The following GNG12 variants were observed in gnomAD, a reference collection of about 807,000 sequenced individuals.
The protein encoded by GNG12 is G protein subunit gamma 12.
For synonymous variants in GNG12, 28 were observed against 29.7 expected (o/e 0.94, Z 0.19); for missense variants, 69 against 83.8 (o/e 0.82, Z 0.69).
intron 2 of GNG12, among the ~76,000 whole-genome samples, chr1:67,765,124 CCT>C (rs775693532): frequency 4.3e-4 from 65 of 152,016 alleles, no homozygotes; most frequent in Non-Finnish European, 7.2e-4. Flanking sequence ...ATTAGATGCC[CCT>C]GTCAAGCACT....
rs559328828 is a variant in GNG12 at position 67,718,677 on chromosome 1, C to T, written c.-26-10965G>A. Reference sequence around the variant, plus strand: ...TCTCTGCAGCTCAGGTCAGGGCTACCGCCTGAGCCTTGTAACAGCACTCCT... The same window carrying T: ...TCTCTGCAGCTCAGGTCAGGGCTACTGCCTGAGCCTTGTAACAGCACTCCT... On this transcript the variant is annotated intron_variant, in intron 2 of 3. Coordinates refer to ENST00000370982, the MANE Select transcript of GNG12 (RefSeq NM_018841.6). 2.4e-4 allele frequency among the ~76,000 whole-genome samples: 36 copies of T among 152,034 alleles called. No individual in the cohort carries two copies. The South Asian group carries it at 3.7e-3, about 16-fold the overall frequency.
chr1:67,831,978 A>C (rs938178780), intron 1 of GNG12, among the ~76,000 whole-genome samples: 3 of 152,178 alleles, frequency 2.0e-5, no homozygotes, highest in Admixed American at 6.5e-5. Flanking sequence ...GCACTTTTAA[A>C]AACAAAGCCA....
Position 67,756,929 on chromosome 1 carries a change from C to T in GNG12, c.-27+20529G>A, listed in dbSNP as rs75899710. On this transcript the variant is annotated intron_variant, in intron 2 of 3. Transcript: ENST00000370982. The stretch of plus-strand genomic sequence containing the variant: ...CAGGTATGCCTCAGCCCCAGGTGGC[C>T]TGACAGGGCCTGGACCATCCAGAGC... Among the ~76,000 whole-genome samples, 132 of 152,342 alleles carry T rather than the reference C, an allele frequency of 8.7e-4. 1 individual carries two copies. The East Asian group carries it at 0.015, about 17-fold the overall frequency.
At chr1:67,823,956 T>C (rs1307186431) in intron 1 of GNG12, among the ~76,000 whole-genome samples, 1 of 152,240 alleles carries the variant, frequency 6.6e-6, no homozygotes, top group Non-Finnish European at 1.5e-5. Context: ...AAACTTGTTA[T>C]TCTGTGTGTG....
intron 2 of GNG12, among the ~76,000 whole-genome samples, chr1:67,730,539 G>C (rs1185737991): frequency 6.6e-6 from 1 of 150,712 alleles, no homozygotes; most frequent in Admixed American, 6.6e-5. Flanking sequence ...GCCAAAAAAA[G>C]GAGTACATAC....
intron 1 of GNG12, among the ~76,000 whole-genome samples, chr1:67,812,241 T>C (rs1186911323): frequency 6.6e-6 from 1 of 151,906 alleles, no homozygotes; most frequent in East Asian, 1.9e-4. Context: ...GAAAAAAAAA[T>C]CTGTATCAAA....
chr1:67,803,975 C>A (rs1313281682), intron 1 of GNG12, among the ~76,000 whole-genome samples: 1 of 152,178 alleles, frequency 6.6e-6, no homozygotes, highest in Non-Finnish European at 1.5e-5. Flanking sequence ...GGTAAGGAAT[C>A]TAGACAACAG....
chr1:67,720,717 C>T (rs1054372773), intron 2 of GNG12, among the ~76,000 whole-genome samples: 4 of 152,304 alleles, frequency 2.6e-5, no homozygotes, highest in Non-Finnish European at 4.4e-5. Flanking sequence ...AGAATATATA[C>T]ATGAGCAAAT....
intron 2 of GNG12, among the ~76,000 whole-genome samples, chr1:67,774,368 A>G (rs1646692590): frequency 6.6e-6 from 1 of 152,094 alleles, no homozygotes; most frequent in South Asian, 2.1e-4. Flanking sequence ...ATTATTTTAC[A>G]CCTATGTTTA....
intron 1 of GNG12, among the ~76,000 whole-genome samples, chr1:67,828,674 T>C (rs568273042): frequency 6.6e-6 from 1 of 152,368 alleles, no homozygotes; most frequent in East Asian, 1.9e-4. Flanking sequence ...TCTGATATAC[T>C]GAAGGTGCTG....
chr1:67,799,156 A>G (rs1243695136), intron 1 of GNG12, among the ~76,000 whole-genome samples: 2 of 152,192 alleles, frequency 1.3e-5, no homozygotes, highest in Non-Finnish European at 2.9e-5. Flanking sequence ...GTTTTTGAAG[A>G]GCCAAAAGTT....
chr1:67,788,493 C>T (rs1394637418), intron 1 of GNG12, among the ~76,000 whole-genome samples: 1 of 151,852 alleles, frequency 6.6e-6, no homozygotes, highest in East Asian at 1.9e-4. Context: ...TTCACCACAC[C>T]CAGCTAGTTT....
intron 2 of GNG12, among the ~76,000 whole-genome samples, chr1:67,753,726 G>A (rs1256768127): frequency 1.3e-5 from 2 of 152,204 alleles, no homozygotes; most frequent in Admixed American, 1.3e-4. Flanking sequence ...AAAGTGTTCG[G>A]TCAGTGGTGA....
At position 67,705,135 on chromosome 1, in the gene GNG12, T is replaced by A. The variant is rs374533216; in HGVS notation, c.*316A>T. On this transcript the variant is annotated 3_prime_UTR_variant, in exon 4 of 4. Transcript: ENST00000370982. Reference sequence around the variant, plus strand: ...CTTAGGCCATTTAGGTCCTGACATATCGGAATCCCTTGTATTTCTAAAGTA... The same window carrying A: ...CTTAGGCCATTTAGGTCCTGACATAACGGAATCCCTTGTATTTCTAAAGTA... 16 of 189,426 alleles carry A rather than the reference T, an allele frequency of 8.4e-5. No individual in the cohort carries two copies. In the East Asian group the frequency reaches 1.8e-3, roughly 22 times the overall value. The allele number at this position is 189,426 out of a possible 1,614,324, so 11.7% of individuals were successfully genotyped here. A position where few individuals can be genotyped will look rare whatever the true frequency, so the allele number is the denominator to read the frequency against.
intron 1 of GNG12, among the ~76,000 whole-genome samples, chr1:67,779,010 G>C (rs1488640469): frequency 6.6e-6 from 1 of 152,170 alleles, no homozygotes; most frequent in East Asian, 1.9e-4. Context: ...TTGTCTGGAT[G>C]ACCAAAGTGG....
chr1:67,807,796 T>C (rs1557624128), intron 1 of GNG12, among the ~76,000 whole-genome samples: 1 of 152,138 alleles, frequency 6.6e-6, no homozygotes. Context: ...CCTATTTATA[T>C]TAATGAAATT....
intron 2 of GNG12, among the ~76,000 whole-genome samples, chr1:67,752,618 G>C (rs1646545644): frequency 1.3e-5 from 2 of 152,184 alleles, no homozygotes; most frequent in Admixed American, 1.3e-4. Context: ...GTTGGGCCCA[G>C]ACATGAGCTA....
intron 2 of GNG12, among the ~76,000 whole-genome samples, chr1:67,711,858 C>G (rs1484871572): frequency 6.6e-6 from 1 of 152,204 alleles, no homozygotes; most frequent in Non-Finnish European, 1.5e-5. Context: ...AAGCTGTACA[C>G]TGGGCCACTG....
chr1:67,830,092 G>A (rs1222305466), intron 1 of GNG12, among the ~76,000 whole-genome samples: 2 of 140,088 alleles, frequency 1.4e-5, no homozygotes, highest in Non-Finnish European at 3.0e-5. Context: ...CGCAACCTCC[G>A]CCTCCTGGGT....
Sources: allele counts gnomAD v4.1 joint callset (sites outside exome capture counted in the v4.1 genomes callset), GRCh38; gene constraint gnomAD v4.1.1; transcripts MANE v1.5; gene names NCBI Gene and HGNC (gene_info 2026-07-23, HGNC 2026-07-21).